VTI1A: variants seen among roughly 807,000 people sequenced by gnomAD.
The protein encoded by VTI1A is vesicle transport through interaction with t-SNAREs 1A, also known as vesicle transport through interaction with t-SNAREs homolog 1A.
In VTI1A, 22 loss-of-function variants were observed where a neutral mutation model predicts 34.9. The ratio of observed to expected loss-of-function variants is 0.63; its 90% CI spans 0.45 to 0.90. The LOEUF is 0.90. Among genes scored for constraint, VTI1A ranks in the 40% least tolerant of loss-of-function variants. VTI1A has a pLI of 0.00. For missense variants in VTI1A, 268 were observed against 275.6 expected (o/e 0.97, Z 0.20); for synonymous variants, 87 against 97.3 (o/e 0.89, Z 0.62).
intron 5 of VTI1A, among the ~76,000 whole-genome samples, chr10:112,560,358 A>G (rs1030801320): frequency 2.0e-5 from 3 of 152,042 alleles, no homozygotes; most frequent in African/African-American, 7.2e-5. Flanking sequence ...GCTCCTTCTC[A>G]TGGTTTAGGT....
the VTI1A span, among the ~76,000 whole-genome samples, chr10:112,830,123 T>G: frequency 1.3e-3 from 202 of 152,236 alleles, 1 homozygote; most frequent in African/African-American, 4.1e-3. Flanking sequence ...TCTCCCCACT[T>G]GTACTAGGTA....
chr10:112,460,645 C>G lies in VTI1A; in HGVS notation c.153+63C>G, dbSNP rs1847700140. 1.9e-5 allele frequency: 25 copies of G among 1,349,844 alleles called. 1 individual carries two copies. The South Asian group carries it at 3.1e-4, about 16-fold the overall frequency. 83.6% of individuals were successfully genotyped at this position (1,349,844 alleles called of 1,614,324 possible). A position where few individuals can be genotyped will look rare whatever the true frequency, so the allele number is the denominator to read the frequency against. On this transcript the variant is annotated intron_variant, in intron 2 of 7. Transcript: ENST00000393077. ...GAGCCGTTTAAGCTAATGTCTTCCT[C>G]TAGCCTGTTTTATACATTGTGGAAA...
chr10:112,518,585 CTCTCTATATA>C (rs780754765), intron 3 of VTI1A, among the ~76,000 whole-genome samples: 80 of 88,838 alleles, frequency 9.0e-4, no homozygotes, highest in Non-Finnish European at 1.2e-3. Flanking sequence ...CTCTCTCTCT[CTCTCTATATA>C]TATATATATA....
intron 7 of VTI1A, among the ~76,000 whole-genome samples, chr10:112,687,835 C>T (rs999395114): frequency 2.0e-5 from 3 of 151,712 alleles, no homozygotes; most frequent in African/African-American, 4.8e-5. Flanking sequence ...GAGGACCTGG[C>T]AGGGTACTGC....
At chr10:112,502,356 A>G (rs917008583) in intron 3 of VTI1A, among the ~76,000 whole-genome samples, 1 of 152,062 alleles carries the variant, frequency 6.6e-6, no homozygotes, top group Non-Finnish European at 1.5e-5. Context: ...TAAATCTACT[A>G]TAATTTTTTA....
At chr10:112,587,959 A>G (rs186698109) in intron 5 of VTI1A, among the ~76,000 whole-genome samples, 115 of 151,958 alleles carry the variant, frequency 7.6e-4, no homozygotes, top group Admixed American at 1.6e-3. Context: ...GTTTTAGTAA[A>G]TTAAGGTTTA....
intron 3 of VTI1A, among the ~76,000 whole-genome samples, chr10:112,486,367 A>G (rs1286228494): frequency 1.3e-5 from 2 of 152,104 alleles, no homozygotes; most frequent in East Asian, 3.9e-4. Context: ...TGTTTCACCT[A>G]CCTCACAATG....
intron 5 of VTI1A, among the ~76,000 whole-genome samples, chr10:112,582,316 A>C (rs1357386716): frequency 6.6e-6 from 1 of 152,156 alleles, no homozygotes; most frequent in East Asian, 1.9e-4. Context: ...GATATATTAC[A>C]TTGGGGATTA....
At chr10:112,519,642 T>A (rs1302769813) in intron 3 of VTI1A, among the ~76,000 whole-genome samples, 1 of 151,970 alleles carries the variant, frequency 6.6e-6, no homozygotes, top group South Asian at 2.1e-4. Flanking sequence ...GTTGTGGCGG[T>A]GTAATAAAGT....
chr10:112,758,160 A>T (rs1851350416), intron 7 of VTI1A, among the ~76,000 whole-genome samples: 1 of 152,196 alleles, frequency 6.6e-6, no homozygotes, highest in African/African-American at 2.4e-5. Flanking sequence ...TGGAATGGGA[A>T]GTTCTCAGGA....
intron 4 of VTI1A, among the ~76,000 whole-genome samples, chr10:112,531,057 CACACCTCA>C (rs1254359720): frequency 5.3e-5 from 6 of 112,672 alleles, no homozygotes; most frequent in African/African-American, 1.6e-4. Context: ...GGTCACGTGA[CACACCTCA>C]CACACACACA....
At chr10:112,736,468 GGGTA>G (rs1468357442) in intron 7 of VTI1A, among the ~76,000 whole-genome samples, 1 of 152,134 alleles carries the variant, frequency 6.6e-6, no homozygotes, top group Non-Finnish European at 1.5e-5. Context: ...ACGGATAGAT[GGGTA>G]GGTGGGTGGG....
At chr10:112,846,348 C>T in the VTI1A span, among the ~76,000 whole-genome samples, 25 of 152,236 alleles carry the variant, frequency 1.6e-4, no homozygotes, top group South Asian at 1.7e-3. Context: ...GCTGGACAGG[C>T]GGGAGATTGG....
chr10:112,713,929 T>C (rs1404060097), intron 7 of VTI1A, among the ~76,000 whole-genome samples: 1 of 152,144 alleles, frequency 6.6e-6, no homozygotes, highest in Non-Finnish European at 1.5e-5. Context: ...CACTAGACCA[T>C]AGGCAAGATA....
At chr10:112,792,880 G>A (rs7915497) in intron 7 of VTI1A, among the ~76,000 whole-genome samples, 74,859 of 152,106 alleles carry the variant, frequency 0.49, 19,359 homozygotes, top group South Asian at 0.66. Context: ...GCAAAGTTAC[G>A]TCTCAGTCTT....
At chr10:112,665,460 AGT>A (rs1847610296) in intron 5 of VTI1A, among the ~76,000 whole-genome samples, 1 of 152,232 alleles carries the variant, frequency 6.6e-6, no homozygotes, top group Admixed American at 6.5e-5. Flanking sequence ...TGTTTCCAAC[AGT>A]GCATGACATT....
At chr10:112,671,580 T>C (rs1314855344) in intron 7 of VTI1A, among the ~76,000 whole-genome samples, 3 of 152,214 alleles carry the variant, frequency 2.0e-5, no homozygotes. Flanking sequence ...TGTTCTTAAA[T>C]TTGTAAAGTG....
chr10:112,704,176 A>G (rs1303060165), intron 7 of VTI1A, among the ~76,000 whole-genome samples: 1 of 152,228 alleles, frequency 6.6e-6, no homozygotes, highest in Non-Finnish European at 1.5e-5. Flanking sequence ...ATTAACAATA[A>G]ACCAGAGAAG....
intron 3 of VTI1A, among the ~76,000 whole-genome samples, chr10:112,494,262 T>C (rs1013892462): frequency 6.6e-6 from 1 of 152,114 alleles, no homozygotes. Context: ...TAATCTTTTT[T>C]ATTTCTGTAG....
Sources: allele counts gnomAD v4.1 joint callset (sites outside exome capture counted in the v4.1 genomes callset), GRCh38; gene constraint gnomAD v4.1.1; transcripts MANE v1.5; gene names NCBI Gene and HGNC (gene_info 2026-07-23, HGNC 2026-07-21).